The following COBL variants were observed in gnomAD, a reference collection of about 807,000 sequenced individuals.
The protein encoded by COBL is protein cordon-bleu.
COBL carries 51 observed loss-of-function variants against 98.8 expected under a neutral mutation model. That is an observed-to-expected ratio of 0.52 (90% CI 0.41 to 0.65). The LOEUF is 0.65. Among genes scored for constraint, COBL ranks in the 30% least tolerant of loss-of-function variants. COBL has a pLI of 0.00. For missense variants in COBL, 1,617 were observed against 1,617.5 expected (o/e 1.00, Z 0.01); for synonymous variants, 634 against 651.7 (o/e 0.97, Z 0.41).
chr7:51,079,951 G>C (rs1013166432), intron 7 of COBL, among the ~76,000 whole-genome samples: 2 of 152,212 alleles, frequency 1.3e-5, no homozygotes, highest in African/African-American at 4.8e-5. Flanking sequence ...GGTAAATGTG[G>C]TTTTCATGAC....
chr7:51,019,999 T>C (rs191840057), intron 12 of COBL, among the ~76,000 whole-genome samples: 1 of 152,290 alleles, frequency 6.6e-6, no homozygotes, highest in Admixed American at 6.5e-5. Context: ...AGGTCTGTGG[T>C]CAAGGCCAAG....
intron 1 of COBL, among the ~76,000 whole-genome samples, chr7:51,309,033 C>G (rs570739711): frequency 1.3e-5 from 2 of 152,160 alleles, no homozygotes; most frequent in Non-Finnish European, 2.9e-5. Context: ...GTCAGGGGCA[C>G]CCCTTCCCAA....
At chr7:51,061,527 TA>T (rs1190356055) in intron 7 of COBL, among the ~76,000 whole-genome samples, 1 of 151,952 alleles carries the variant, frequency 6.6e-6, no homozygotes, top group African/African-American at 2.4e-5. Flanking sequence ...GACATGCATA[TA>T]GGGGGCGAGT....
intron 1 of COBL, among the ~76,000 whole-genome samples, chr7:51,300,489 C>A (rs1308500365): frequency 6.6e-6 from 1 of 152,140 alleles, no homozygotes; most frequent in Non-Finnish European, 1.5e-5. Context: ...GCGGGGAAGC[C>A]TCTCACACCT....
At chr7:51,179,739 A>C (rs1312440601) in intron 5 of COBL, among the ~76,000 whole-genome samples, 1 of 152,140 alleles carries the variant, frequency 6.6e-6, no homozygotes, top group South Asian at 2.1e-4. Flanking sequence ...GTTTCTGATA[A>C]TTTTGGAGAT....
chr7:51,309,218 G>A (rs1802784432), intron 1 of COBL, among the ~76,000 whole-genome samples: 2 of 152,184 alleles, frequency 1.3e-5, no homozygotes, highest in South Asian at 4.1e-4. Flanking sequence ...AAGGGGACAT[G>A]AGCAAAGGGA....
At position 51,243,273 on chromosome 7, in the gene COBL, T is replaced by C. The variant is rs568197705; in HGVS notation, c.42-23329A>G. Among the ~76,000 whole-genome samples, 17 of 152,268 alleles carry C rather than the reference T, an allele frequency of 1.1e-4. No individual in the cohort carries two copies. In the East Asian group the frequency reaches 3.1e-3, roughly 28 times the overall value. ...GGCAGCTGTGTGCGGGGAGCAGAAG[T>C]ACTGGAGCTGACGCTGGGGTGTGAC... On this transcript the variant is annotated intron_variant, in intron 1 of 12. Coordinates refer to ENST00000265136, the MANE Select transcript of COBL (RefSeq NM_015198.5).
At chr7:51,310,227 C>G (rs1226973473) in intron 1 of COBL, among the ~76,000 whole-genome samples, 2 of 152,222 alleles carry the variant, frequency 1.3e-5, no homozygotes, top group Non-Finnish European at 2.9e-5. Context: ...GCAGAGAACA[C>G]TGGCACCTGG....
At chr7:51,055,622 GT>G (rs1355736624) in intron 7 of COBL, among the ~76,000 whole-genome samples, 1 of 152,216 alleles carries the variant, frequency 6.6e-6, no homozygotes. Context: ...TTCTGATTCA[GT>G]GGGGCTGGGG....
At chr7:51,193,030 C>A (rs1208383404) in intron 3 of COBL, among the ~76,000 whole-genome samples, 1 of 151,970 alleles carries the variant, frequency 6.6e-6, no homozygotes, top group Non-Finnish European at 1.5e-5. Flanking sequence ...AATAAACATA[C>A]CAAATTTTTA....
At chr7:51,123,281 C>T (rs1180794560) in intron 6 of COBL, among the ~76,000 whole-genome samples, 1 of 152,166 alleles carries the variant, frequency 6.6e-6, no homozygotes, top group African/African-American at 2.4e-5. Context: ...TGCCTTTTAA[C>T]ATGAATTTGA....
chr7:51,178,752 G>A (rs1788652233), intron 5 of COBL, among the ~76,000 whole-genome samples: 1 of 152,054 alleles, frequency 6.6e-6, no homozygotes, highest in Non-Finnish European at 1.5e-5. Flanking sequence ...GGGAATACAG[G>A]TGCCTGCCAC....
At chr7:51,079,652 A>T (rs1415258397) in intron 7 of COBL, among the ~76,000 whole-genome samples, 1 of 152,220 alleles carries the variant, frequency 6.6e-6, no homozygotes, top group Non-Finnish European at 1.5e-5. Context: ...CTTGCCAGAG[A>T]CAGGCACCTG....
rs764616646 is a variant in COBL at position 51,029,458 on chromosome 7, T to C, written c.1638A>G (p.Glu546=). 6.2e-7 allele frequency: 1 copy of C among 1,614,170 alleles called. No homozygotes were observed. Among genetic ancestry groups the C allele is most frequent in the Non-Finnish European group, 8.5e-7 (1 of 1,180,022 alleles). The change falls in exon 10 of 13, where the codon GAA becomes GAG. Residue 546 remains glutamate, a synonymous_variant. Coordinates refer to ENST00000265136, the MANE Select transcript of COBL (RefSeq NM_015198.5). Reference sequence around the variant, plus strand: ...CCGAATCCACAGGATCATCTGAAACTTCCCCTATGAATGTTACTGGGATTG... The same window carrying C: ...CCGAATCCACAGGATCATCTGAAACCTCCCCTATGAATGTTACTGGGATTG... The part of the protein sequence containing the change: ...TDAIPVTFIG[E]VSDDPVDSGL...
intron 8 of COBL, among the ~76,000 whole-genome samples, chr7:51,039,195 C>T (rs1051813832): frequency 1.3e-5 from 2 of 152,218 alleles, no homozygotes; most frequent in Admixed American, 1.3e-4. Context: ...CACTGCCTGT[C>T]AGAAAACCTC....
intron 1 of COBL, among the ~76,000 whole-genome samples, chr7:51,312,612 C>T (rs1423383224): frequency 1.3e-5 from 2 of 152,124 alleles, no homozygotes; most frequent in Admixed American, 6.6e-5. Context: ...TTAATAATTA[C>T]AGGAGCACTT....
At chr7:51,072,136 T>C (rs987743917) in intron 7 of COBL, 21 of 152,160 alleles carry the variant, frequency 1.4e-4, no homozygotes, top group African/African-American at 5.1e-4. Flanking sequence ...TCAGGAATAC[T>C]TACTGATTCT....
intron 3 of COBL, among the ~76,000 whole-genome samples, chr7:51,191,852 C>T (rs534617360): frequency 6.6e-6 from 1 of 152,278 alleles, no homozygotes; most frequent in Admixed American, 6.5e-5. Flanking sequence ...TAGAGCTGGA[C>T]ACAGTAAATG....
At chr7:51,136,497 A>C (rs982943851) in intron 5 of COBL, among the ~76,000 whole-genome samples, 166 bp from the exon 6 acceptor site, 3 of 152,192 alleles carry the variant, frequency 2.0e-5, no homozygotes, top group Non-Finnish European at 4.4e-5. Flanking sequence ...GTAGCTTTCC[A>C]GGGAAAACTG....
Sources: allele counts gnomAD v4.1 joint callset (sites outside exome capture counted in the v4.1 genomes callset), GRCh38; gene constraint gnomAD v4.1.1; transcripts MANE v1.5; gene names NCBI Gene and HGNC (gene_info 2026-07-23, HGNC 2026-07-21).